FOXP2: variants seen among roughly 807,000 people sequenced by gnomAD.
FOXP2 encodes the protein forkhead box P2.
Under a neutral mutation model 115.8 loss-of-function variants are expected in FOXP2, and 12 were observed. The observed-to-expected ratio is 0.10, with a 90% CI of 0.07 to 0.17. The LOEUF is 0.17. Ranked by LOEUF, FOXP2 falls within the 10% of genes least tolerant of loss-of-function variation. FOXP2 has a pLI of 1.00. For missense variants in FOXP2, 629 were observed against 843.5 expected, an observed-to-expected ratio of 0.75 and a Z score of 3.15; for synonymous variants, 328 against 297.7, an observed-to-expected ratio of 1.10 and a Z score of -1.05.
At position 114,481,804 on chromosome 7, in the gene FOXP2, CTATCTATA is replaced by C. The variant is rs1162983359; in HGVS notation, c.169-52805_169-52798del. ...TCTATCTATCTATCTATCTATCTAT[CTATCTATA>C]TATCTATCTATCTAATCTATAATGG... On this transcript the variant is annotated intron_variant, in intron 2 of 16. Coordinates refer to ENST00000350908, the MANE Select transcript of FOXP2 (RefSeq NM_014491.4). Among the ~76,000 whole-genome samples, 355 of 148,100 alleles carry C rather than the reference CTATCTATA, an allele frequency of 2.4e-3. 4 individuals are homozygous for C. The highest frequency in any genetic ancestry group is 7.7e-3 in the African/African-American group (299 of 39,046).
chr7:114,420,535 A>T (rs939318648), intron 1 of FOXP2, among the ~76,000 whole-genome samples: 2 of 151,914 alleles, frequency 1.3e-5, no homozygotes, highest in Non-Finnish European at 2.9e-5. Flanking sequence ...GTGTCTTGTA[A>T]ACTGTAGCCA....
chr7:114,289,446 A>G (rs1475223682), intron 2 of FOXP2, among the ~76,000 whole-genome samples: 4 of 151,876 alleles, frequency 2.6e-5, no homozygotes, highest in African/African-American at 9.6e-5. Context: ...GAGTGGGGAC[A>G]TTATTTGTAT....
At chr7:114,134,430 T>G (rs1431329216) in intron 1 of FOXP2, among the ~76,000 whole-genome samples, 3 of 152,202 alleles carry the variant, frequency 2.0e-5, no homozygotes, top group Non-Finnish European at 1.5e-5. Context: ...TTAATAACTA[T>G]CTTAAGAAAT....
chr7:114,107,336 G>A (rs1284316583), intron 1 of FOXP2, among the ~76,000 whole-genome samples: 1 of 151,900 alleles, frequency 6.6e-6, no homozygotes, highest in East Asian at 1.9e-4. Flanking sequence ...CCTATGAAGT[G>A]AACTTTTCAC....
At chr7:114,653,488 C>T (rs1189107797) in intron 9 of FOXP2, 1 of 259,954 alleles carries the variant, frequency 3.8e-6, no homozygotes, top group African/African-American at 2.2e-5. Context: ...ACTAACTGGA[C>T]CTCAGTGGGA....
At chr7:114,494,448 T>C (rs1474654441) in intron 2 of FOXP2, among the ~76,000 whole-genome samples, 2 of 152,112 alleles carry the variant, frequency 1.3e-5, no homozygotes, top group East Asian at 3.9e-4. Flanking sequence ...GCTTCCCAAG[T>C]AGCTGGGATT....
chr7:114,613,435 G>A (rs1803739909), intron 3 of FOXP2, among the ~76,000 whole-genome samples: 1 of 151,998 alleles, frequency 6.6e-6, no homozygotes, highest in South Asian at 2.1e-4. Flanking sequence ...CAGTACTTTA[G>A]GAGGCCAAGG....
chr7:114,404,909 TTA>T (rs895016770), intron 2 of FOXP2, among the ~76,000 whole-genome samples: 1 of 151,994 alleles, frequency 6.6e-6, no homozygotes, highest in African/African-American at 2.4e-5. Context: ...TCGTGGTATT[TTA>T]GTGTTTAGCA....
intron 2 of FOXP2, among the ~76,000 whole-genome samples, chr7:114,380,625 C>T (rs531617684): frequency 4.5e-4 from 69 of 152,330 alleles, no homozygotes; most frequent in African/African-American, 1.4e-3. Context: ...AAGAGTTGCA[C>T]AAGTGTGCAG....
chr7:114,551,633 A>G (rs1365566518), intron 3 of FOXP2, among the ~76,000 whole-genome samples: 1 of 152,192 alleles, frequency 6.6e-6, no homozygotes, highest in Non-Finnish European at 1.5e-5. Context: ...AAGTAATATG[A>G]TTAGAGGTGA....
intron 14 of FOXP2, among the ~76,000 whole-genome samples, chr7:114,662,642 A>T (rs1245660244): frequency 1.3e-5 from 2 of 151,980 alleles, no homozygotes; most frequent in Non-Finnish European, 2.9e-5. Context: ...TTTCTCAAAT[A>T]CTCTCATTTT....
intron 1 of FOXP2, among the ~76,000 whole-genome samples, chr7:114,169,971 C>T (rs1489870546): frequency 6.6e-6 from 1 of 152,084 alleles, no homozygotes; most frequent in Non-Finnish European, 1.5e-5. Context: ...TTGAGGTCTC[C>T]CCAGCCATGT....
intron 2 of FOXP2, among the ~76,000 whole-genome samples, chr7:114,467,100 C>T (rs1353539561): frequency 6.6e-6 from 1 of 152,066 alleles, no homozygotes; most frequent in African/African-American, 2.4e-5. Flanking sequence ...TTTCATTCCC[C>T]TTTTCCTGAC....
upstream of FOXP2, among the ~76,000 whole-genome samples, chr7:114,410,587 T>C (rs1410827949): frequency 6.6e-6 from 1 of 152,172 alleles, no homozygotes; most frequent in Non-Finnish European, 1.5e-5. Flanking sequence ...CTTTTTGTTT[T>C]ATGTAACAAA....
intron 1 of FOXP2, among the ~76,000 whole-genome samples, chr7:114,260,072 A>G (rs1795710756): frequency 6.6e-6 from 1 of 151,928 alleles, no homozygotes; most frequent in Non-Finnish European, 1.5e-5. Flanking sequence ...TTGTAGTTTT[A>G]GTAAAGACAG....
intron 2 of FOXP2, among the ~76,000 whole-genome samples, chr7:114,318,615 T>G (rs1425684133): frequency 6.6e-6 from 1 of 151,682 alleles, no homozygotes; most frequent in Non-Finnish European, 1.5e-5. Context: ...AACAGTGCAG[T>G]TACTCAAATA....
At chr7:114,614,799 A>G (rs1405282473) in intron 3 of FOXP2, among the ~76,000 whole-genome samples, 1 of 152,196 alleles carries the variant, frequency 6.6e-6, no homozygotes, top group African/African-American at 2.4e-5. Context: ...TGTCCATCTG[A>G]TGCTTTGAAT....
At chr7:114,488,725 A>C (rs1796905379) in intron 2 of FOXP2, among the ~76,000 whole-genome samples, 1 of 152,166 alleles carries the variant, frequency 6.6e-6, no homozygotes, top group Admixed American at 6.6e-5. Flanking sequence ...CCTTTGGCCT[A>C]ACTAAAGAAA....
rs1390731434 is a variant in FOXP2 at position 114,495,504 on chromosome 7, T to G, written c.169-39113T>G. On this transcript the variant is annotated intron_variant, in intron 2 of 16. Coordinates refer to ENST00000350908, the MANE Select transcript of FOXP2 (RefSeq NM_014491.4). ...CTCTCTTTTTTTTTTTTTTTTTTTT[T>G]TTTTTTTTTGTTATTGTTGAGACAG... Among the ~76,000 whole-genome samples the G allele has an allele frequency of 2.7e-3, 374 of 136,506 alleles. 1 individual carries two copies. The highest frequency in any genetic ancestry group is 5.0e-3 in the Non-Finnish European group (320 of 63,658). The allele number at this position is 136,506 out of a possible 152,430, so 89.6% of individuals were successfully genotyped here. A position where few individuals can be genotyped will look rare whatever the true frequency, so the allele number is the denominator to read the frequency against.
Sources: allele counts gnomAD v4.1 joint callset (sites outside exome capture counted in the v4.1 genomes callset), GRCh38; gene constraint gnomAD v4.1.1; transcripts MANE v1.5; gene names NCBI Gene and HGNC (gene_info 2026-07-23, HGNC 2026-07-21).